The following GNG2 variants were observed in gnomAD, a reference collection of about 807,000 sequenced individuals.
GNG2 encodes the protein guanine nucleotide-binding protein G(I)/G(S)/G(O) subunit gamma-2.
In GNG2, 5 loss-of-function variants were observed where a neutral mutation model predicts 5.5. The observed-to-expected ratio is 0.91, with a 90% confidence interval of 0.48 to 1.92. The LOEUF is 1.92. GNG2 is among the 30% of genes most tolerant of loss of function. The pLI is 0.01. For missense variants in GNG2, 55 were observed against 88.4 expected, an observed-to-expected ratio of 0.62 and a Z score of 1.52; for synonymous variants, 28 against 32.0, an observed-to-expected ratio of 0.88 and a Z score of 0.42.
chr14:51,907,668 G>T (rs996225192), intron 2 of GNG2, among the ~76,000 whole-genome samples: 2 of 152,140 alleles, frequency 1.3e-5, no homozygotes, highest in African/African-American at 4.8e-5. Context: ...AGATAGAAAA[G>T]GTAGAAGTCT....
At chr14:51,906,364 A>G (rs1713999735) in intron 2 of GNG2, among the ~76,000 whole-genome samples, 1 of 152,246 alleles carries the variant, frequency 6.6e-6, no homozygotes, top group Admixed American at 6.5e-5. Flanking sequence ...GTTTAAAATT[A>G]GTATTCTGTA....
chr14:51,869,921 A>C (rs553225573), intron 1 of GNG2, among the ~76,000 whole-genome samples: 1 of 152,300 alleles, frequency 6.6e-6, no homozygotes, highest in Admixed American at 6.5e-5. Flanking sequence ...GTGATTGGCT[A>C]ATTTAAGAGT....
intron 2 of GNG2, among the ~76,000 whole-genome samples, chr14:51,939,607 G>A (rs902054008): frequency 6.6e-6 from 1 of 152,178 alleles, no homozygotes; most frequent in Middle Eastern, 3.2e-3. Flanking sequence ...CACTTGGTAA[G>A]TGGCAACTTC....
intron 1 of GNG2, among the ~76,000 whole-genome samples, chr14:51,872,535 C>T (rs117611302): frequency 1.3e-5 from 2 of 152,238 alleles, no homozygotes; most frequent in East Asian, 3.9e-4. Flanking sequence ...CTCTGAACTG[C>T]AGGCCTGGTA....
intron 2 of GNG2, among the ~76,000 whole-genome samples, chr14:51,890,317 T>A (rs922185576): frequency 1.3e-5 from 2 of 152,232 alleles, no homozygotes; most frequent in African/African-American, 4.8e-5. Context: ...AGATTTGTGG[T>A]TGAGAAAAGG....
chr14:51,935,930 C>G (rs969140176), intron 2 of GNG2, among the ~76,000 whole-genome samples: 2 of 152,100 alleles, frequency 1.3e-5, no homozygotes, highest in African/African-American at 4.8e-5. Flanking sequence ...AGTCATGGTT[C>G]AGTGGGTTTT....
chr14:51,887,822 T>C (rs946165437), intron 2 of GNG2, among the ~76,000 whole-genome samples: 4 of 152,198 alleles, frequency 2.6e-5, no homozygotes, highest in Admixed American at 1.3e-4. Flanking sequence ...ATATGCAAAA[T>C]GAAGGCAGTG....
At chr14:51,905,902 A>G (rs60332061) in intron 2 of GNG2, among the ~76,000 whole-genome samples, 9,216 of 152,228 alleles carry the variant, frequency 0.061, 606 homozygotes, top group African/African-American at 0.16. Flanking sequence ...GCTTCCACTT[A>G]TGCCGTTATT....
At chr14:51,870,631 T>C (rs1883237061) in intron 1 of GNG2, among the ~76,000 whole-genome samples, 1 of 152,220 alleles carries the variant, frequency 6.6e-6, no homozygotes, top group Non-Finnish European at 1.5e-5. Flanking sequence ...GGTATTTTGT[T>C]GATTACAGTA....
At chr14:51,893,960 A>G (rs1885026643) in intron 2 of GNG2, among the ~76,000 whole-genome samples, 1 of 152,052 alleles carries the variant, frequency 6.6e-6, no homozygotes, top group African/African-American at 2.4e-5. Context: ...TTCTATTCCA[A>G]TGTCAATGAT....
chr14:51,942,205 A>C (rs549567689), intron 2 of GNG2, among the ~76,000 whole-genome samples: 1 of 152,260 alleles, frequency 6.6e-6, no homozygotes, highest in African/African-American at 2.4e-5. Flanking sequence ...GAATATAAAA[A>C]CCCAGTTAGT....
intron 1 of GNG2, among the ~76,000 whole-genome samples, chr14:51,861,684 T>A (rs376175282): frequency 2.8e-4 from 43 of 152,370 alleles, no homozygotes; most frequent in East Asian, 1.5e-3. Context: ...AGCCTGGGTC[T>A]ATGACTTGTT....
At chr14:51,884,974 A>C (rs1464412334) in intron 2 of GNG2, among the ~76,000 whole-genome samples, 3 of 152,202 alleles carry the variant, frequency 2.0e-5, no homozygotes, top group African/African-American at 4.8e-5. Flanking sequence ...AGTAAGAATC[A>C]TGGAAAGCTG....
intron 2 of GNG2, among the ~76,000 whole-genome samples, chr14:51,891,758 CTGCTATCTAGCA>C (rs1318045884): frequency 6.6e-6 from 1 of 152,192 alleles, no homozygotes; most frequent in African/African-American, 2.4e-5. Context: ...CCCATTTTTA[CTGCTATCTAGCA>C]ATAATTAGTG....
At chr14:51,964,433 G>A (rs542700968) in intron 3 of GNG2, among the ~76,000 whole-genome samples, 15 of 152,344 alleles carry the variant, frequency 9.8e-5, no homozygotes, top group African/African-American at 3.6e-4. Flanking sequence ...TTGGCTAGAT[G>A]TTGTGGTAGT....
chr14:51,863,299 A>G (rs1882649822), intron 1 of GNG2, among the ~76,000 whole-genome samples: 1 of 152,222 alleles, frequency 6.6e-6, no homozygotes, highest in Non-Finnish European at 1.5e-5. Context: ...TTGGTACATT[A>G]ACTTAGGAAC....
rs1231017160 is a variant in GNG2, at chr14:51,930,836, AGAGAGAAAGAGGAGAAGAGAG to A, written c.-29-19813_-29-19793del. Among the ~76,000 whole-genome samples the A allele has an allele frequency of 1.2e-4, 18 of 152,222 alleles. No individual in the cohort carries two copies. In the South Asian group the frequency reaches 2.7e-3, roughly 23 times the overall value. On this transcript the variant is annotated intron_variant, in intron 2 of 3. Coordinates refer to ENST00000556766, the MANE Select transcript of GNG2 (RefSeq NM_053064.5). ...GGGGGAGCAGGCCCATCAGAGAGAG[AGAGAGAAAGAGGAGAAGAGAG>A]AAGACAGAGAGGAGGCCCCACACTC...
chr14:51,859,781 G>A (rs969255112), upstream of GNG2, among the ~76,000 whole-genome samples: 3 of 152,174 alleles, frequency 2.0e-5, no homozygotes, highest in African/African-American at 4.8e-5. Flanking sequence ...AGGGACTGGA[G>A]GATCATGAGG....
intron 3 of GNG2, among the ~76,000 whole-genome samples, chr14:51,961,384 GA>G (rs960538462): frequency 7.2e-5 from 11 of 152,112 alleles, no homozygotes; most frequent in Admixed American, 7.2e-4. Context: ...AATATCTGTC[GA>G]AGAAGATTAT....
Sources: gnomAD v4.1 joint callset for allele counts (sites outside exome capture counted in the v4.1 genomes callset) on GRCh38, gnomAD v4.1.1 for gene constraint, MANE v1.5 for transcripts, NCBI Gene and HGNC (gene_info 2026-07-23, HGNC 2026-07-21) for gene names.